Variants in C2orf69 observed in about 807,000 individuals in gnomAD.
The protein encoded by C2orf69 is mitochondrial protein C2orf69.
Under a neutral mutation model 29.5 loss-of-function variants are expected in C2orf69, and 19 were observed. The observed-to-expected ratio is 0.65, with a 90% CI of 0.45 to 0.95. The LOEUF (loss-of-function observed/expected upper bound fraction) is 0.95. Among genes scored for constraint, C2orf69 ranks in the 40% least tolerant of loss-of-function variants. C2orf69 has a pLI of 0.00. For synonymous variants in C2orf69, 194 were observed against 180.0 expected, an observed-to-expected ratio of 1.08 and a Z score of -0.62; for missense variants, 416 against 482.1, an observed-to-expected ratio of 0.86 and a Z score of 1.28.
chr2:199,922,221 G>A (rs1371561377), intron 1 of C2orf69, among the ~76,000 whole-genome samples: 8 of 151,032 alleles, frequency 5.3e-5, no homozygotes, highest in African/African-American at 1.7e-4. Context: ...TCAGCCTCCC[G>A]AGTAGCTGGG....
At chr2:199,916,966 T>C (rs768626480) in intron 1 of C2orf69, among the ~76,000 whole-genome samples, 8 of 152,126 alleles carry the variant, frequency 5.3e-5, no homozygotes, top group Admixed American at 2.0e-4. Flanking sequence ...TTTTCCATAC[T>C]GCCCTAGCAG....
intron 1 of C2orf69, among the ~76,000 whole-genome samples, chr2:199,921,001 GTT>G (rs71019096): frequency 1.5e-4 from 10 of 67,038 alleles, no homozygotes; most frequent in Admixed American, 7.7e-4. Context: ...CTAGGAATTA[GTT>G]TTTTTTTTTT....
intron 1 of C2orf69, among the ~76,000 whole-genome samples, chr2:199,918,123 A>T (rs934088587): frequency 6.6e-6 from 1 of 152,218 alleles, no homozygotes; most frequent in Non-Finnish European, 1.5e-5. Flanking sequence ...GGTCCCTCCC[A>T]TGTGGGGATT....
intron 1 of C2orf69, among the ~76,000 whole-genome samples, chr2:199,917,176 C>A (rs968215113): frequency 7.2e-5 from 11 of 152,226 alleles, no homozygotes; most frequent in Non-Finnish European, 1.6e-4. Context: ...ACACAGGGCA[C>A]CAAGTTTCAA....
At chr2:199,924,245 A>C in intron 1 of C2orf69, among the ~76,000 whole-genome samples, 1 of 152,194 alleles carries the variant, frequency 6.6e-6, no homozygotes, top group Admixed American at 6.5e-5. Context: ...TCTCTCTACA[A>C]AGAATAAAAA....
chr2:199,925,302 G>A lies in C2orf69; in HGVS notation c.574G>A (p.Val192Ile). The A allele has an allele frequency of 6.2e-7, 1 of 1,612,316 alleles. No individual in the cohort carries two copies. Among genetic ancestry groups the A allele is most frequent in the East Asian group, 2.2e-5 (1 of 44,860 alleles). ...TTTTAAGCACCTTTATATGTTATTAGTTAATGCTTTTAATTTAAGTCAGAA... is the reference window on the plus strand; with the variant it reads ...TTTTAAGCACCTTTATATGTTATTAATTAATGCTTTTAATTTAAGTCAGAA... ...GAFKHLYMLLVNAFNLSQNSL... is the reference protein window; with the variant it reads ...GAFKHLYMLLINAFNLSQNSL... The change falls in exon 2 of 2, where the codon GTT becomes ATT. Residue 192 changes from valine (V) to isoleucine (I), a missense_variant. Val to Ile is a conservative substitution (Grantham distance 29, BLOSUM62 3). This residue lies in a region of C2orf69 where 225 missense variants were observed against 307.3 expected (regional missense o/e 0.73). Transcript: ENST00000319974. The surrounding 1 kb of genome is among the most constrained non-coding windows in gnomAD (Gnocchi z 4.9).
chr2:199,922,031 T>TTATATATATATATA (rs370430093), intron 1 of C2orf69, among the ~76,000 whole-genome samples: 17,001 of 78,454 alleles, frequency 0.22, 2,925 homozygotes, highest in South Asian at 0.31. Flanking sequence ...ACTGTTATTT[T>TTATATATATATATA]TATATATATA....
At position 199,916,448 on chromosome 2, in the gene C2orf69, A is replaced by G. The variant is rs191656308; in HGVS notation, c.333+4677A>G. 6.2e-4 allele frequency among the ~76,000 whole-genome samples: 95 copies of G among 152,320 alleles called. 3 individuals carry two copies. The highest frequency in any genetic ancestry group is 3.8e-4 in the Non-Finnish European group (26 of 68,034). ...CAAAACATAACCATGCCCTTCCAAC[A>G]GTTCCCCAAAGTCTTAACTCATTGT... On this transcript the variant is annotated intron_variant, in intron 1 of 1. Coordinates refer to ENST00000319974, the MANE Select transcript of C2orf69 (RefSeq NM_153689.6).
chr2:199,922,429 T>C (rs572228221), intron 1 of C2orf69, among the ~76,000 whole-genome samples: 1 of 152,296 alleles, frequency 6.6e-6, no homozygotes, highest in East Asian at 1.9e-4. Flanking sequence ...GGTTGCATAG[T>C]GTACTGGATT....
In C2orf69 at chr2:199,911,778, C is replaced by G. The variant is rs756678563; in HGVS notation, c.333+7C>G. The G allele has an allele frequency of 6.5e-7, 1 of 1,537,800 alleles. No individual in the cohort carries two copies. The highest frequency in any genetic ancestry group is 2.4e-5 in the East Asian group (1 of 40,906). On this transcript the variant is annotated splice_region_variant and intron_variant, in intron 1 of 1. Transcript: ENST00000319974. The stretch of plus-strand genomic sequence containing the variant: ...TTTCCCTGGGGATGTGCAGGTAACT[C>G]GGGGCCTGCCTGGGTATCTGTTCCT...
At position 199,925,471 on chromosome 2, in the gene C2orf69, T is replaced by G. The variant is rs371300473; in HGVS notation, c.743T>G (p.Phe248Cys). ...AAATCTGATGAGTCTGCCATGAGTT[T>G]TTATCCACCATCACTAAATGACGCA... ...CEKSDESAMSFYPPSLNDASF... is the reference protein window; with the variant it reads ...CEKSDESAMSCYPPSLNDASF... The change falls in exon 2 of 2, where the codon TTT becomes TGT. Residue 248 changes from phenylalanine to cysteine, a missense_variant. Phe to Cys is a radical substitution (Grantham distance 205). Transcript: ENST00000319974. This position sits in a 1 kb window ranked among gnomAD's most constrained non-coding sequence, Gnocchi z 4.9. The G allele has an allele frequency of 7.6e-5, 122 of 1,613,718 alleles. No homozygotes were observed. The highest frequency in any genetic ancestry group is 1.0e-4 in the Non-Finnish European group (118 of 1,179,872).
At chr2:199,912,685 G>C (rs2077270250) in intron 1 of C2orf69, among the ~76,000 whole-genome samples, 1 of 152,110 alleles carries the variant, frequency 6.6e-6, no homozygotes, top group African/African-American at 2.4e-5. Context: ...TAGTTGCCCA[G>C]GCTGGAGTGC....
chr2:199,918,568 G>A (rs1451007498), intron 1 of C2orf69, among the ~76,000 whole-genome samples: 2 of 152,022 alleles, frequency 1.3e-5, no homozygotes, highest in South Asian at 2.1e-4. Flanking sequence ...CACCATGTTG[G>A]TCAGGCTGCT....
chr2:199,916,759 T>C (rs1411478228), intron 1 of C2orf69, among the ~76,000 whole-genome samples: 1 of 152,164 alleles, frequency 6.6e-6, no homozygotes, highest in African/African-American at 2.4e-5. Flanking sequence ...ATGCAAGAGG[T>C]GGACTCCTGT....
chr2:199,912,022 C>T (rs867140327), intron 1 of C2orf69, among the ~76,000 whole-genome samples: 1 of 152,176 alleles, frequency 6.6e-6, no homozygotes, highest in Non-Finnish European at 1.5e-5. Flanking sequence ...AGCCAGCTGT[C>T]GGTCCAGGTT....
intron 1 of C2orf69, among the ~76,000 whole-genome samples, chr2:199,923,726 A>T (rs2077326120): frequency 2.0e-5 from 3 of 152,260 alleles, no homozygotes; most frequent in Admixed American, 2.0e-4. Context: ...TATTTAGCTC[A>T]AAAAAGAAAT....
Position 199,925,373 on chromosome 2 carries a change from A to G in C2orf69, c.645A>G (p.Ile215Met), listed in dbSNP as rs953317874. 1.4e-5 allele frequency: 22 copies of G among 1,613,552 alleles called. 1 individual carries two copies. The Admixed American group carries it at 2.2e-4, about 16-fold the overall frequency. ...KSLNVWNKDSIASNCRSSPSH... is the reference protein window; with the variant it reads ...KSLNVWNKDSMASNCRSSPSH... ...TGAATGTTTGGAATAAGGACTCCAT[A>G]GCATCTAACTGTAGATCCAGTCCTT... The change falls in exon 2 of 2, where the codon ATA becomes ATG. Residue 215 changes from isoleucine (I) to methionine (M), a missense_variant. By Grantham distance (10) the Ile-to-Met change is conservative. Around this residue, in one of 4 missense-constraint regions of C2orf69, gnomAD observed 225 missense variants for 307.3 expected, o/e 0.73. Transcript: ENST00000319974. This position sits in a 1 kb window ranked among gnomAD's most constrained non-coding sequence, Gnocchi z 4.9.
At position 199,911,822 on chromosome 2, in the gene C2orf69, C is replaced by T. The variant is rs114873734; in HGVS notation, c.333+51C>T. ...TGTTCCTTCCTCTCGTGTATACGTACGCGGTCACTGATTCTTCCCTCGTGG... is the reference window on the plus strand; with the variant it reads ...TGTTCCTTCCTCTCGTGTATACGTATGCGGTCACTGATTCTTCCCTCGTGG... On this transcript the variant is annotated intron_variant, in intron 1 of 1. Transcript: ENST00000319974. The T allele has an allele frequency of 1.5e-3, 2,339 of 1,534,958 alleles. 28 individuals carry two copies. In the African/African-American group the frequency reaches 0.028, roughly 18 times the overall value.
Position 199,925,748 on chromosome 2 carries a change from G to T in C2orf69, c.1020G>T (p.Met340Ile). 1 of 1,613,914 alleles carries T rather than the reference G, an allele frequency of 6.2e-7. No individual in the cohort carries two copies. Among genetic ancestry groups the T allele is most frequent in the Non-Finnish European group, 8.5e-7 (1 of 1,179,828 alleles). The change falls in exon 2 of 2, where the codon ATG becomes ATT. Residue 340 changes from methionine (M) to isoleucine (I), a missense_variant. Transcript: ENST00000319974. The surrounding 1 kb of genome is among the most constrained non-coding windows in gnomAD (Gnocchi z 4.9). ...CACCTTACCAAGTACGTGATCCAAT[G>T]AGATCTTGGATTGGAAAGGAGCACA... Reference protein sequence around the residue: ...HVTPYQVRDPMRSWIGKEHKK... With the variant: ...HVTPYQVRDPIRSWIGKEHKK...
Sources: gnomAD v4.1 joint callset for allele counts (sites outside exome capture counted in the v4.1 genomes callset) on GRCh38, gnomAD v4.1.1 for gene constraint, gnomAD v4.1.1 regional missense constraint, Gnocchi (gnomAD v3.1) non-coding constraint, MANE v1.5 for transcripts, NCBI Gene and HGNC (gene_info 2026-07-23, HGNC 2026-07-21) for gene names.